PPP2R2B: variants seen among roughly 807,000 people sequenced by gnomAD.
The protein encoded by PPP2R2B is protein phosphatase 2 regulatory subunit Bbeta.
Under a neutral mutation model 46.0 loss-of-function variants are expected in PPP2R2B, and 5 were observed. That is an observed-to-expected ratio of 0.11 (90% CI 0.06 to 0.23). The LOEUF is 0.23. PPP2R2B is among the 10% of genes least tolerant of loss of function. PPP2R2B has a pLI of 1.00. For synonymous variants in PPP2R2B, 215 were observed against 206.7 expected (o/e 1.04, Z -0.34); for missense variants, 367 against 575.0 (o/e 0.64, Z 3.70).
rs188089264 is a variant in PPP2R2B, at chr5:146,646,134, T to C, written c.625+4413A>G. Among the ~76,000 whole-genome samples, 351 of 152,336 alleles carry C rather than the reference T, an allele frequency of 2.3e-3. 1 individual carries two copies. Among genetic ancestry groups the C allele is most frequent in the Non-Finnish European group, 3.9e-3 (266 of 68,020 alleles). ...TATACTCAGTGTATTTGATGAACAT[T>C]ACTCTGAAAGCGGCAAATTTGTTTT... On this transcript the variant is annotated intron_variant, in intron 6 of 9. Transcript: ENST00000394411.
chr5:146,906,401 C>T (rs1425894551), intron 1 of PPP2R2B, among the ~76,000 whole-genome samples: 1 of 152,176 alleles, frequency 6.6e-6, no homozygotes, highest in Non-Finnish European at 1.5e-5. Context: ...CGGCTCACCG[C>T]AACCTCTGCC....
intron 5 of PPP2R2B, among the ~76,000 whole-genome samples, chr5:146,683,134 A>G (rs1305837961): frequency 2.0e-5 from 3 of 152,090 alleles, no homozygotes; most frequent in Non-Finnish European, 4.4e-5. Context: ...GAGTCTGATG[A>G]TCATCCAGCT....
intron 2 of PPP2R2B, among the ~76,000 whole-genome samples, chr5:146,782,116 CA>C (rs1202714501): frequency 4.3e-4 from 65 of 152,306 alleles, no homozygotes; most frequent in Admixed American, 4.1e-3. Flanking sequence ...ACCATGACTG[CA>C]AGTTTCCTGA....
intron 2 of PPP2R2B, among the ~76,000 whole-genome samples, chr5:146,757,124 G>C (rs1461949108): frequency 6.6e-6 from 1 of 152,092 alleles, no homozygotes; most frequent in Admixed American, 6.6e-5. Flanking sequence ...TGAAGGAGGA[G>C]AGAGCATGGC....
chr5:146,882,519 T>G (rs319205), upstream of PPP2R2B, among the ~76,000 whole-genome samples: 3,713 of 152,340 alleles, frequency 0.024, 175 homozygotes, highest in African/African-American at 0.085. Context: ...CATCATTTTC[T>G]TATCTATAAA....
At chr5:147,005,242 C>T (rs534495863) in intron 1 of PPP2R2B, among the ~76,000 whole-genome samples, 18 of 152,174 alleles carry the variant, frequency 1.2e-4, no homozygotes, top group African/African-American at 1.9e-4. Flanking sequence ...ACCTATATAC[C>T]GGTGGAAGTT....
At chr5:146,839,765 A>G (rs1759515928) in intron 2 of PPP2R2B, among the ~76,000 whole-genome samples, 1 of 152,222 alleles carries the variant, frequency 6.6e-6, no homozygotes, top group Admixed American at 6.5e-5. Context: ...TGAAGTTCTA[A>G]CTTGCTGACT....
chr5:147,049,158 C>A (rs1399492457), intron 1 of PPP2R2B, among the ~76,000 whole-genome samples: 2 of 151,564 alleles, frequency 1.3e-5, no homozygotes, highest in Non-Finnish European at 2.9e-5. Context: ...GGAAAGGATT[C>A]TCTGGTGAAG....
intron 1 of PPP2R2B, among the ~76,000 whole-genome samples, chr5:146,916,649 C>T (rs1017825119): frequency 6.6e-6 from 1 of 152,132 alleles, no homozygotes; most frequent in African/African-American, 2.4e-5. Flanking sequence ...TGAGTCCATA[C>T]TCACTCAGCT....
At chr5:146,934,746 A>T (rs910901743) in intron 1 of PPP2R2B, among the ~76,000 whole-genome samples, 2 of 152,046 alleles carry the variant, frequency 1.3e-5, no homozygotes. Flanking sequence ...TGAAAGAGAA[A>T]TCAGAGACCA....
chr5:146,645,206 A>C (rs1176435113), intron 6 of PPP2R2B, among the ~76,000 whole-genome samples: 1 of 152,166 alleles, frequency 6.6e-6, no homozygotes. Flanking sequence ...TTGCTTTGAG[A>C]TCTTTTTCCC....
chr5:146,689,679 C>A (rs1778721668), intron 5 of PPP2R2B, among the ~76,000 whole-genome samples: 1 of 152,160 alleles, frequency 6.6e-6, no homozygotes, highest in Admixed American at 6.5e-5. Context: ...GAATTCTAAC[C>A]CAGGCTGGAC....
chr5:147,020,633 T>C (rs1028869536), intron 1 of PPP2R2B, among the ~76,000 whole-genome samples: 1 of 152,172 alleles, frequency 6.6e-6, no homozygotes. Flanking sequence ...CTTGACTGTA[T>C]CTTTCTGCTT....
At chr5:146,822,909 A>G (rs17105400) in intron 2 of PPP2R2B, among the ~76,000 whole-genome samples, 21,097 of 152,190 alleles carry the variant, frequency 0.14, 1,890 homozygotes, top group East Asian at 0.41. Flanking sequence ...AAAGCAATGC[A>G]GTCCCCAAAT....
At chr5:147,021,819 A>G (rs1224799186) in intron 1 of PPP2R2B, among the ~76,000 whole-genome samples, 1 of 152,228 alleles carries the variant, frequency 6.6e-6, no homozygotes, top group African/African-American at 2.4e-5. Context: ...TATGCAAAGA[A>G]GCTATGATTA....
intron 1 of PPP2R2B, among the ~76,000 whole-genome samples, chr5:146,974,117 C>A (rs1752784899): frequency 6.6e-6 from 1 of 151,736 alleles, no homozygotes; most frequent in South Asian, 2.1e-4. Flanking sequence ...GGAATCCGGG[C>A]AAGAAAGTAT....
chr5:146,820,530 A>G, intron 2 of PPP2R2B, among the ~76,000 whole-genome samples: 1 of 152,220 alleles, frequency 6.6e-6, no homozygotes, highest in Non-Finnish European at 1.5e-5. Flanking sequence ...TTAAAATGCA[A>G]TATAAAAGAG....
At chr5:147,004,060 A>G (rs1443231130) in intron 1 of PPP2R2B, among the ~76,000 whole-genome samples, 1 of 152,104 alleles carries the variant, frequency 6.6e-6, no homozygotes, top group Non-Finnish European at 1.5e-5. Context: ...CCAAAAGGAA[A>G]AGCGAGATCG....
At chr5:146,903,780 A>AT (rs1361536196) in intron 1 of PPP2R2B, among the ~76,000 whole-genome samples, 1 of 152,040 alleles carries the variant, frequency 6.6e-6, no homozygotes, top group African/African-American at 2.4e-5. Flanking sequence ...GATACTGATA[A>AT]TTTTTTTGAC....
Sources: gnomAD v4.1 joint callset for allele counts (sites outside exome capture counted in the v4.1 genomes callset) on GRCh38, gnomAD v4.1.1 for gene constraint, MANE v1.5 for transcripts, NCBI Gene and HGNC (gene_info 2026-07-23, HGNC 2026-07-21) for gene names.